Variants in SLC35F3 observed in about 807,000 individuals in gnomAD.
The protein encoded by SLC35F3 is putative thiamine transporter SLC35F3.
A neutral mutation model predicts 49.9 loss-of-function variants in SLC35F3; 25 were observed. The observed-to-expected ratio is 0.50, with a 90% CI of 0.37 to 0.70. SLC35F3 has a LOEUF of 0.70. SLC35F3 is among the 30% of genes least tolerant of loss of function. The pLI, the probability that SLC35F3 is intolerant of heterozygous loss-of-function variation, is 0.00. For missense variants in SLC35F3, 525 were observed against 639.8 expected (o/e 0.82, Z 1.94); for synonymous variants, 275 against 265.4 (o/e 1.04, Z -0.35).
At chr1:234,215,781 G>T (rs1667112598) in intron 2 of SLC35F3, among the ~76,000 whole-genome samples, 1 of 152,194 alleles carries the variant, frequency 6.6e-6, no homozygotes, top group Non-Finnish European at 1.5e-5. Flanking sequence ...GCCTGCAGCT[G>T]CCCTAGTACT....
chr1:234,280,809 A>G (rs1668312400), intron 3 of SLC35F3, among the ~76,000 whole-genome samples: 1 of 152,188 alleles, frequency 6.6e-6, no homozygotes, highest in Non-Finnish European at 1.5e-5. Context: ...ACTGAGGCTC[A>G]GAGAGATTGA....
chr1:234,121,741 G>A (rs998338967), intron 2 of SLC35F3, among the ~76,000 whole-genome samples: 1 of 152,110 alleles, frequency 6.6e-6, no homozygotes, highest in Non-Finnish European at 1.5e-5. Flanking sequence ...AGGCCCCGGT[G>A]TGTGATGTTC....
rs1385305715 is a variant in SLC35F3 at position 234,046,103 on chromosome 1, A to G, written c.283+140345A>G. 1.3e-5 allele frequency among the ~76,000 whole-genome samples: 2 copies of G among 152,142 alleles called. No individual in the cohort carries two copies. Among genetic ancestry groups the G allele is most frequent in the Admixed American group, 1.3e-4 (2 of 15,266 alleles). On this transcript the variant is annotated intron_variant, in intron 2 of 7. Transcript: ENST00000366618. This position sits in a 1 kb window ranked among gnomAD's most constrained non-coding sequence, Gnocchi z 4.4. Reference sequence around the variant, plus strand: ...AACAGCACTGCAGGAAACATTTTGTATAGGTTTCTTTGTGCATGTATAACA... The same window carrying G: ...AACAGCACTGCAGGAAACATTTTGTGTAGGTTTCTTTGTGCATGTATAACA...
At position 234,052,887 on chromosome 1, in the gene SLC35F3, C is replaced by T. The variant is rs540974910; in HGVS notation, c.283+147129C>T. 4.4e-3 allele frequency among the ~76,000 whole-genome samples: 663 copies of T among 152,274 alleles called. 1 individual carries two copies. Among genetic ancestry groups the T allele is most frequent in the Non-Finnish European group, 6.8e-3 (460 of 68,016 alleles). ...AACATCTTTATTTCTGCCTTCATTTCGTTATGTACCCAGTAGTCACTCAGG... is the reference window on the plus strand; with the variant it reads ...AACATCTTTATTTCTGCCTTCATTTTGTTATGTACCCAGTAGTCACTCAGG... On this transcript the variant is annotated intron_variant, in intron 2 of 7. Coordinates refer to ENST00000366618, the MANE Select transcript of SLC35F3 (RefSeq NM_173508.4).
intron 3 of SLC35F3, among the ~76,000 whole-genome samples, chr1:234,251,710 T>C (rs60259414): frequency 1.4e-3 from 210 of 152,304 alleles, no homozygotes; most frequent in African/African-American, 4.9e-3. Context: ...CTAGCTGTTC[T>C]ACAGGTTAAA....
chr1:234,242,528 T>C (rs373304855), intron 3 of SLC35F3, among the ~76,000 whole-genome samples: 1 of 152,196 alleles, frequency 6.6e-6, no homozygotes, highest in South Asian at 2.1e-4. Context: ...TCTAGCTGAG[T>C]TCGTTAAAAA....
intron 3 of SLC35F3, among the ~76,000 whole-genome samples, chr1:234,299,976 A>G (rs1185483519): frequency 1.3e-5 from 2 of 152,138 alleles, no homozygotes; most frequent in African/African-American, 4.8e-5. Flanking sequence ...GTTCATGAAA[A>G]TAATCTGGAA....
intron 2 of SLC35F3, among the ~76,000 whole-genome samples, chr1:234,068,318 C>G (rs1664651335): frequency 6.6e-6 from 1 of 152,164 alleles, no homozygotes; most frequent in Admixed American, 6.5e-5. Flanking sequence ...ATGGCTTCCT[C>G]TTGAAACTCC....
At chr1:234,087,854 TC>T (rs890122014) in intron 2 of SLC35F3, among the ~76,000 whole-genome samples, 1 of 152,176 alleles carries the variant, frequency 6.6e-6, no homozygotes, top group African/African-American at 2.4e-5. Context: ...TATCCCTGCC[TC>T]AAAACTTTAG....
chr1:234,309,386 T>G, intron 4 of SLC35F3, 66 bp downstream of exon 4: 1 of 1,405,356 alleles, frequency 7.1e-7, no homozygotes, highest in Non-Finnish European at 1.0e-6. Flanking sequence ...GCCCATCGGC[T>G]TGCTTAGCTC....
At chr1:234,148,395 C>T (rs1327912798) in intron 2 of SLC35F3, among the ~76,000 whole-genome samples, 1 of 152,134 alleles carries the variant, frequency 6.6e-6, no homozygotes, top group Non-Finnish European at 1.5e-5. Flanking sequence ...GAAAGAGCAA[C>T]AGTCTATGCT....
intron 2 of SLC35F3, among the ~76,000 whole-genome samples, chr1:234,143,626 C>G (rs1412198176): frequency 6.6e-6 from 1 of 152,090 alleles, no homozygotes; most frequent in Admixed American, 6.5e-5. Context: ...GTATAAGTGA[C>G]AACATCTGGT....
intron 2 of SLC35F3, among the ~76,000 whole-genome samples, chr1:234,013,924 A>G (rs749458602): frequency 1.3e-5 from 2 of 152,074 alleles, no homozygotes; most frequent in Non-Finnish European, 2.9e-5. Context: ...AATAATACCA[A>G]TCTTTCTTAA....
At chr1:234,129,338 A>G (rs1421971084) in intron 2 of SLC35F3, among the ~76,000 whole-genome samples, 3 of 152,252 alleles carry the variant, frequency 2.0e-5, no homozygotes, top group Non-Finnish European at 1.5e-5. Context: ...TAATACTACA[A>G]TAGACTCAAA....
intron 3 of SLC35F3, among the ~76,000 whole-genome samples, chr1:234,239,050 A>C (rs1667515634): frequency 6.6e-6 from 1 of 152,196 alleles, no homozygotes; most frequent in East Asian, 1.9e-4. Flanking sequence ...CTGCCATATG[A>C]GTGTAATTAT....
chr1:234,191,896 T>TA (rs1666735668), intron 2 of SLC35F3, among the ~76,000 whole-genome samples: 1 of 151,998 alleles, frequency 6.6e-6, no homozygotes, highest in South Asian at 2.1e-4. Flanking sequence ...CCCTCCTAGA[T>TA]TAAGTCAGGA....
At chr1:234,024,626 G>A (rs1663947704) in intron 2 of SLC35F3, among the ~76,000 whole-genome samples, 1 of 152,118 alleles carries the variant, frequency 6.6e-6, no homozygotes, top group Non-Finnish European at 1.5e-5. Context: ...GGAGCTGGGT[G>A]TGCATGTTCA....
At chr1:234,195,025 C>T (rs1428885077) in intron 2 of SLC35F3, among the ~76,000 whole-genome samples, 1 of 152,202 alleles carries the variant, frequency 6.6e-6, no homozygotes, top group African/African-American at 2.4e-5. Context: ...CCCCAAGACA[C>T]TTCTTTCTGA....
At chr1:234,275,449 AT>A (rs937890999) in intron 3 of SLC35F3, among the ~76,000 whole-genome samples, 3 of 152,160 alleles carry the variant, frequency 2.0e-5, no homozygotes, top group Non-Finnish European at 2.9e-5. Context: ...TGAATTCCTT[AT>A]TTTATGTCAC....
Sources: gnomAD v4.1 joint callset for allele counts (sites outside exome capture counted in the v4.1 genomes callset) on GRCh38, gnomAD v4.1.1 for gene constraint, Gnocchi (gnomAD v3.1) non-coding constraint, MANE v1.5 for transcripts, NCBI Gene and HGNC (gene_info 2026-07-23, HGNC 2026-07-21) for gene names.